TYRP1: variants seen among roughly 807,000 people sequenced by gnomAD.
TYRP1 encodes the protein tyrosinase related protein 1, also known as 5,6-dihydroxyindole-2-carboxylic acid oxidase.
Under a neutral mutation model 42.8 loss-of-function variants are expected in TYRP1, and 49 were observed. That is an observed-to-expected ratio of 1.14 (90% CI 0.91 to 1.45). The LOEUF is 1.45. Among genes scored for constraint, TYRP1 ranks in the 40% most tolerant of loss-of-function variants. The probability of loss-of-function intolerance (pLI) is 0.00; values close to 1 mark genes in which losing one functional copy is unlikely to be tolerated. For missense variants in TYRP1, 848 were observed against 662.0 expected, an observed-to-expected ratio of 1.28 and a Z score of -3.08; for synonymous variants, 279 against 235.4, an observed-to-expected ratio of 1.19 and a Z score of -1.69.
chr9:12,700,054 T>C (rs998765751), intron 4 of TYRP1: 1 of 152,102 alleles, frequency 6.6e-6, no homozygotes, highest in African/African-American at 2.4e-5. Flanking sequence ...ATCCCTTGTC[T>C]CACTGCAAGA....
In TYRP1 at chr9:12,693,939, T is replaced by C; in HGVS notation, c.-58T>C. The C allele has an allele frequency of 6.2e-7, 1 of 1,608,736 alleles. No homozygotes were observed. Among genetic ancestry groups the C allele is most frequent in the Non-Finnish European group, 8.5e-7 (1 of 1,178,540 alleles). ...GGATTTTCCTCTACGTGCTTCAGTC[T>C]TCTCTACACAAAGAGCTGCAAACCA... On this transcript the variant is annotated 5_prime_UTR_variant, in exon 2 of 8. Coordinates refer to ENST00000388918, the MANE Select transcript of TYRP1 (RefSeq NM_000550.3).
chr9:12,708,074 G>A lies in TYRP1; in HGVS notation c.1339G>A (p.Val447Ile). 3 of 1,612,824 alleles carry A rather than the reference G, an allele frequency of 1.9e-6. No individual in the cohort carries two copies. The highest frequency in any genetic ancestry group is 2.5e-6 in the Non-Finnish European group (3 of 1,179,330). Residue 447 changes from valine (V) to isoleucine (I), a missense_variant, in exon 7 of 8, where the codon GTC becomes ATC. By Grantham distance (29) the Val-to-Ile change is conservative. Coordinates refer to ENST00000388918, the MANE Select transcript of TYRP1 (RefSeq NM_000550.3). ...QYNMVPFWPPVTNTEMFVTAP... is the reference protein window; with the variant it reads ...QYNMVPFWPPITNTEMFVTAP... ...CAACATGGTGCCATTCTGGCCCCCA[G>A]TCACCAACACAGAAATGTTTGTTAC...
chr9:12,694,005 T>C lies in TYRP1; in HGVS notation c.9T>C (p.Ala3=), dbSNP rs370640265. The change falls in exon 2 of 8, where the codon GCT becomes GCC. Residue 3 remains alanine, a synonymous_variant. Coordinates refer to ENST00000388918, the MANE Select transcript of TYRP1 (RefSeq NM_000550.3). MS[A]PKLLSLGCIF... ...CTCTTATTTCAAGCAGAATGAGTGC[T>C]CCTAAACTCCTCTCTCTGGGCTGTA... 3 of 1,613,872 alleles carry C rather than the reference T, an allele frequency of 1.9e-6. No homozygotes were observed. In the African/African-American group the frequency reaches 4.0e-5, roughly 22 times the overall value.
chr9:12,706,323 T>C (rs1265309311), intron 6 of TYRP1, among the ~76,000 whole-genome samples: 8 of 151,920 alleles, frequency 5.3e-5, no homozygotes, highest in Admixed American at 2.0e-4. Flanking sequence ...TTAAGTGGAG[T>C]TTTCTTTCAC....
intron 4 of TYRP1, chr9:12,701,605 G>C (rs1255904605): frequency 6.6e-6 from 1 of 151,760 alleles, no homozygotes; most frequent in Admixed American, 6.6e-5. Flanking sequence ...AAGCCTTTCT[G>C]GAGATCTGAC....
chr9:12,699,848 A>G (rs1818137770), intron 4 of TYRP1, among the ~76,000 whole-genome samples: 1 of 152,006 alleles, frequency 6.6e-6, no homozygotes, highest in African/African-American at 2.4e-5. Context: ...AATCACCCTG[A>G]TGATTGGATA....
In TYRP1 at chr9:12,709,032, A is replaced by G. The variant is rs908512961; in HGVS notation, c.1464A>G (p.Leu488=). The G allele has an allele frequency of 3.4e-5, 55 of 1,612,588 alleles. No individual in the cohort carries two copies. The highest frequency in any genetic ancestry group is 4.3e-5 in the Non-Finnish European group (51 of 1,179,238). Residue 488 remains leucine, a synonymous_variant, in exon 8 of 8, where the codon TTA becomes TTG. Coordinates refer to ENST00000388918, the MANE Select transcript of TYRP1 (RefSeq NM_000550.3). ...CCATAGCAGTAGTTGGCGCTTTGTT[A>G]CTGGTTGCACTCATTTTTGGGACTG... is the stretch of plus-strand genomic sequence containing the variant. The part of the protein sequence containing the change: ...IIAIAVVGAL[L]LVALIFGTAS...
chr9:12,701,744 T>C lies in TYRP1; in HGVS notation c.914-527T>C, dbSNP rs564218725. 2.1e-4 allele frequency: 33 copies of C among 154,750 alleles called. 1 individual carries two copies. The South Asian group carries it at 5.7e-3, about 27-fold the overall frequency. The allele number at this position is 154,750 out of a possible 1,614,324, so 9.6% of individuals were successfully genotyped here. A position where few individuals can be genotyped will look rare whatever the true frequency, so the allele number is the denominator to read the frequency against. ...TACTGCCCTTCACAAAGTTTCATTA[T>C]TTCTCACATTAATTGCTGAAAAAGT... On this transcript the variant is annotated intron_variant, in intron 4 of 7. Transcript: ENST00000388918.
At chr9:12,699,220 T>C (rs1015274080) in intron 4 of TYRP1, among the ~76,000 whole-genome samples, 2 of 151,980 alleles carry the variant, frequency 1.3e-5, no homozygotes, top group Non-Finnish European at 2.9e-5. Context: ...ACAGTAAGAG[T>C]ACGCCTAATC....
rs1307788237 is a variant in TYRP1, at chr9:12,709,900, C to A, written c.*718C>A. 2.6e-5 allele frequency: 4 copies of A among 152,820 alleles called. No individual in the cohort carries two copies. Among genetic ancestry groups the A allele is most frequent in the Admixed American group, 6.5e-5 (1 of 15,296 alleles). The allele number at this position is 152,820 out of a possible 1,614,324, so 9.5% of individuals were successfully genotyped here. On this transcript the variant is annotated 3_prime_UTR_variant, in exon 8 of 8. Transcript: ENST00000388918. ...GCCTCTCAATTCGCTGAAAAAGGAACTACCTATCCTTACATTTCACCTACT... is the reference window on the plus strand; with the variant it reads ...GCCTCTCAATTCGCTGAAAAAGGAAATACCTATCCTTACATTTCACCTACT...
chr9:12,705,673 C>G (rs1300696527), intron 6 of TYRP1, among the ~76,000 whole-genome samples: 1 of 151,912 alleles, frequency 6.6e-6, no homozygotes, highest in East Asian at 1.9e-4. Flanking sequence ...ATGGTGAAAC[C>G]CCGTCTCTAC....
At chr9:12,698,683 A>G (rs1818118135) in intron 4 of TYRP1, 28 bp downstream of exon 4, 1 of 1,600,844 alleles carries the variant, frequency 6.2e-7, no homozygotes. Context: ...GCTTGGAGTC[A>G]GAATTTCTTT....
At chr9:12,699,669 G>A (rs756694606) in intron 4 of TYRP1, among the ~76,000 whole-genome samples, 8 of 152,096 alleles carry the variant, frequency 5.3e-5, no homozygotes, top group Non-Finnish European at 1.2e-4. Flanking sequence ...CTCTGTAGAA[G>A]TTTAAAACTT....
chr9:12,708,014 T>A lies in TYRP1; in HGVS notation c.1279T>A (p.Leu427Met), dbSNP rs148782717. The A allele has an allele frequency of 1.2e-5, 20 of 1,611,898 alleles. No individual in the cohort carries two copies. In the East Asian group the frequency reaches 1.3e-4, roughly 11 times the overall value. Residue 427 changes from leucine to methionine, a missense_variant, in exon 7 of 8, where the codon TTG becomes ATG. Transcript: ENST00000388918. ...TAATTTAGATATATCCACATTTCCATTGGAAAATGCCCCTATTGGACATAA... is the reference window on the plus strand; with the variant it reads ...TAATTTAGATATATCCACATTTCCAATGGAAAATGCCCCTATTGGACATAA... ...RYNADISTFP[L>M]ENAPIGHNRQ...
At chr9:12,705,096 T>A (rs1818236536) in intron 6 of TYRP1, among the ~76,000 whole-genome samples, 1 of 152,022 alleles carries the variant, frequency 6.6e-6, no homozygotes, top group Non-Finnish European at 1.5e-5. Context: ...CTAAAAATTT[T>A]ATACCCATAA....
intron 4 of TYRP1, 53 bp from the exon 5 acceptor site, chr9:12,702,218 A>G (rs1818180381): frequency 6.3e-7 from 1 of 1,593,342 alleles, no homozygotes; most frequent in East Asian, 2.2e-5. Flanking sequence ...AAGAGCGACA[A>G]TAAGAACTCC....
At position 12,698,555 on chromosome 9, in the gene TYRP1, C is replaced by T. The variant is rs778148332; in HGVS notation, c.813C>T (p.Asn271=). Reference sequence around the variant, plus strand: ...ATGACTTGATGGGATCCAGAAGCAACTTTGATTCCACTCTAATAAGCCCAA... The same window carrying T: ...ATGACTTGATGGGATCCAGAAGCAATTTTGATTCCACTCTAATAAGCCCAA... ...CTDDLMGSRS[N]FDSTLISPNS... The change falls in exon 4 of 8, where the codon AAC becomes AAT. Residue 271 remains asparagine (N), a synonymous_variant. Transcript: ENST00000388918. 4.3e-6 allele frequency: 7 copies of T among 1,613,804 alleles called. No individual in the cohort carries two copies. Among genetic ancestry groups the T allele is most frequent in the Admixed American group, 1.7e-5 (1 of 59,964 alleles).
chr9:12,705,107 T>A (rs890207214), intron 6 of TYRP1, among the ~76,000 whole-genome samples: 1 of 152,072 alleles, frequency 6.6e-6, no homozygotes, highest in African/African-American at 2.4e-5. Context: ...ATACCCATAA[T>A]CCACAGTTCT....
intron 7 of TYRP1, 81 bp downstream of exon 7, chr9:12,708,224 T>G (rs1023584920): frequency 1.3e-6 from 2 of 1,524,350 alleles, no homozygotes; most frequent in Non-Finnish European, 1.8e-6. Context: ...ATCACGGTAT[T>G]CTGAAGCTAT....
Sources: gnomAD v4.1 joint callset for allele counts (sites outside exome capture counted in the v4.1 genomes callset) on GRCh38, gnomAD v4.1.1 for gene constraint, MANE v1.5 for transcripts, NCBI Gene and HGNC (gene_info 2026-07-23, HGNC 2026-07-21) for gene names.